Variants in TOM1L1 observed in about 807,000 individuals in gnomAD.
TOM1L1 encodes TOM1-like protein 1.
Under a neutral mutation model 63.4 loss-of-function variants are expected in TOM1L1, and 64 were observed. The ratio of observed to expected loss-of-function variants is 1.01; its 90% CI spans 0.83 to 1.24. TOM1L1 has a LOEUF of 1.24. Ranked by LOEUF, TOM1L1 falls within the 50% of genes most tolerant of loss-of-function variation. The pLI is 0.00. For missense variants in TOM1L1, 536 were observed against 567.0 expected (o/e 0.95, Z 0.55); for synonymous variants, 166 against 194.4 (o/e 0.85, Z 1.22).
At chr17:54,925,920 A>AACAACC (rs546359869) in intron 7 of TOM1L1, among the ~76,000 whole-genome samples, 2 of 149,396 alleles carry the variant, frequency 1.3e-5, no homozygotes, top group African/African-American at 4.9e-5. Flanking sequence ...AAACAACAAC[A>AACAACC]AAAAAAAAAG....
At chr17:54,914,575 A>G (rs2048555508) in intron 5 of TOM1L1, 64 bp from the exon 6 acceptor site, 3 of 1,375,112 alleles carry the variant, frequency 2.2e-6, no homozygotes, top group Non-Finnish European at 3.1e-6. Flanking sequence ...CTGAATGGAA[A>G]AAACTTGGCG....
At chr17:54,900,954 A>C in intron 1 of TOM1L1, 31 bp downstream of exon 1, 1 of 1,613,490 alleles carries the variant, frequency 6.2e-7, no homozygotes, top group Non-Finnish European at 8.5e-7. Context: ...ACGCCCAGGC[A>C]GGCAGGGGAC....
intron 3 of TOM1L1, chr17:54,906,632 A>G (rs2048415992): frequency 5.0e-6 from 2 of 400,800 alleles, no homozygotes; most frequent in South Asian, 2.1e-4. Flanking sequence ...AATTCCAAAC[A>G]AGTTCTGCTG....
chr17:54,947,934 A>G (rs1038916108), intron 12 of TOM1L1, among the ~76,000 whole-genome samples: 2 of 151,906 alleles, frequency 1.3e-5, no homozygotes, highest in African/African-American at 4.8e-5. Context: ...TCTACTTTCC[A>G]CTTAATGTCT....
intron 7 of TOM1L1, chr17:54,916,199 G>T: frequency 2.7e-6 from 1 of 364,280 alleles, no homozygotes; most frequent in Non-Finnish European, 4.9e-6. Flanking sequence ...TATAGGAAGG[G>T]ATGTAGAAAT....
At chr17:54,955,858 T>C (rs1303105971) in intron 14 of TOM1L1, among the ~76,000 whole-genome samples, 1 of 152,214 alleles carries the variant, frequency 6.6e-6, no homozygotes, top group Non-Finnish European at 1.5e-5. Context: ...GTCTGGGCTC[T>C]AGGCAGCCGC....
intron 10 of TOM1L1, 175 bp downstream of exon 10, chr17:54,937,401 G>T: frequency 1.7e-6 from 1 of 596,168 alleles, no homozygotes. Context: ...ACCCAGTATA[G>T]CAATGGGATG....
intron 7 of TOM1L1, chr17:54,916,786 C>T (rs968614937): frequency 2.6e-5 from 4 of 152,102 alleles, no homozygotes; most frequent in African/African-American, 4.8e-5. Flanking sequence ...TCACTGCTGT[C>T]GTGAATAGTT....
At chr17:54,947,473 A>G (rs561063556) in intron 12 of TOM1L1, 161 bp downstream of exon 12, 1 of 679,270 alleles carries the variant, frequency 1.5e-6, no homozygotes, top group Non-Finnish European at 2.6e-6. Context: ...TGGAGTTTGT[A>G]TTTGCTATCT....
intron 14 of TOM1L1, among the ~76,000 whole-genome samples, chr17:54,960,024 A>G (rs2077073865): frequency 6.6e-6 from 1 of 152,124 alleles, no homozygotes; most frequent in South Asian, 2.1e-4. Flanking sequence ...CACAAGAAAA[A>G]ATTAATTGGT....
chr17:54,958,677 C>A (rs2077018723), intron 14 of TOM1L1, among the ~76,000 whole-genome samples: 1 of 142,604 alleles, frequency 7.0e-6, no homozygotes, highest in South Asian at 2.2e-4. Context: ...CTGCAGTGAG[C>A]TGAGATCCCA....
chr17:54,946,895 G>A lies in TOM1L1; in HGVS notation c.1131-366G>A, dbSNP rs189735625. Among the ~76,000 whole-genome samples the A allele has an allele frequency of 7.2e-5, 11 of 152,316 alleles. No individual in the cohort carries two copies. The East Asian group carries it at 2.1e-3, about 30-fold the overall frequency. Reference sequence around the variant, plus strand: ...AAGTGACATTCAGTGGAGAGACAGAGTGCAGTACGTTTGCTCCGCTTTATC... The same window carrying A: ...AAGTGACATTCAGTGGAGAGACAGAATGCAGTACGTTTGCTCCGCTTTATC... On this transcript the variant is annotated intron_variant, in intron 11 of 15. Coordinates refer to ENST00000575882, the MANE Select transcript of TOM1L1 (RefSeq NM_005486.3).
At chr17:54,925,189 G>A (rs564941878) in intron 7 of TOM1L1, among the ~76,000 whole-genome samples, 3 of 152,314 alleles carry the variant, frequency 2.0e-5, no homozygotes, top group African/African-American at 4.8e-5. Context: ...GGGCTTGATC[G>A]CTACCCTGGA....
chr17:54,938,930 G>A lies in TOM1L1; in HGVS notation c.1040G>A (p.Ser347Asn). The A allele has an allele frequency of 1.2e-6, 2 of 1,604,892 alleles. No homozygotes were observed. The highest frequency in any genetic ancestry group is 1.7e-6 in the Non-Finnish European group (2 of 1,175,240). ...MNNQLSGLNF[S>N]LPSSDVTNNL... ...AGTCCATTTTGTGTTTTAGATTTCA[G>A]CCTTCCAAGTTCTGATGTAACAAAC... The change falls in exon 11 of 16, where the codon AGC (serine) becomes AAC (asparagine). Residue 347 changes from serine to asparagine, a missense_variant. Coordinates refer to ENST00000575882, the MANE Select transcript of TOM1L1 (RefSeq NM_005486.3).
At position 54,958,748 on chromosome 17, in the gene TOM1L1, A is replaced by AAAAAAAAAAAAAAAAAG. The variant is rs372776781; in HGVS notation, c.1371-1818_1371-1817insAAAAAAAAAAAAAAAAG. On this transcript the variant is annotated intron_variant, in intron 14 of 15. Coordinates refer to ENST00000575882, the MANE Select transcript of TOM1L1 (RefSeq NM_005486.3). ...TCCATCTCAAAAAAAAAAAAAAAAA[A>AAAAAAAAAAAAAAAAAG]GGGGTTGTTGGTAGCTAGAGGATAC... is the stretch of plus-strand genomic sequence containing the variant. 1.9e-4 allele frequency among the ~76,000 whole-genome samples: 23 copies of AAAAAAAAAAAAAAAAAG among 118,938 alleles called. 1 individual carries two copies. Among genetic ancestry groups the AAAAAAAAAAAAAAAAAG allele is most frequent in the Non-Finnish European group, 3.5e-4 (20 of 57,750 alleles). The allele number at this position is 118,938 out of a possible 152,430, so 78.0% of individuals were successfully genotyped here. A position where few individuals can be genotyped will look rare whatever the true frequency, so the allele number is the denominator to read the frequency against.
At chr17:54,921,750 A>T (rs1327788596) in intron 7 of TOM1L1, among the ~76,000 whole-genome samples, 1 of 152,078 alleles carries the variant, frequency 6.6e-6, no homozygotes. Flanking sequence ...AAATAAAATA[A>T]AATAAATATA....
chr17:54,937,294 C>T (rs563088035), intron 10 of TOM1L1, 68 bp downstream of exon 10: 36 of 1,231,684 alleles, frequency 2.9e-5, no homozygotes, highest in African/African-American at 1.9e-4. Context: ...TCCTTAATTA[C>T]GTGATTAAAT....
At chr17:54,924,581 C>T (rs2048738240) in intron 7 of TOM1L1, among the ~76,000 whole-genome samples, 1 of 152,138 alleles carries the variant, frequency 6.6e-6, no homozygotes, top group Non-Finnish European at 1.5e-5. Context: ...AATTAGCCAC[C>T]GTCCTATCAC....
intron 1 of TOM1L1, 188 bp downstream of exon 1, chr17:54,901,111 C>T: frequency 1.3e-6 from 1 of 750,686 alleles, no homozygotes; most frequent in Non-Finnish European, 2.2e-6. Flanking sequence ...TCTTGGCCAA[C>T]TCACTGTAGA....
Sources: gnomAD v4.1 joint callset for allele counts (sites outside exome capture counted in the v4.1 genomes callset) on GRCh38, gnomAD v4.1.1 for gene constraint, MANE v1.5 for transcripts, NCBI Gene and HGNC (gene_info 2026-07-23, HGNC 2026-07-21) for gene names.